RPGRIP1L: variants seen among roughly 807,000 people sequenced by gnomAD.
The protein encoded by RPGRIP1L is RPGRIP1 like.
In RPGRIP1L, 131 loss-of-function variants were observed where a neutral mutation model predicts 160.4. The ratio of observed to expected loss-of-function variants is 0.82; its 90% CI spans 0.71 to 0.94. RPGRIP1L has a LOEUF of 0.94. RPGRIP1L is among the 40% of genes least tolerant of loss of function. The pLI is 0.00. For missense variants in RPGRIP1L, 1,522 were observed against 1,535.8 expected, an observed-to-expected ratio of 0.99 and a Z score of 0.15; for synonymous variants, 510 against 515.8, an observed-to-expected ratio of 0.99 and a Z score of 0.15.
intron 24 of RPGRIP1L, among the ~76,000 whole-genome samples, chr16:53,615,466 ATATATATTTTTTT>A (rs1964307515): frequency 1.5e-5 from 1 of 66,432 alleles, no homozygotes; most frequent in Non-Finnish European, 2.7e-5. Context: ...ATATATATAT[ATATATATTTTTTT>A]TTTTTTTTTT....
chr16:53,653,437 A>T (rs928513705), intron 14 of RPGRIP1L: 1 of 658,858 alleles, frequency 1.5e-6, no homozygotes, highest in South Asian at 6.1e-5. Flanking sequence ...TATTATCCTG[A>T]TCATGATGAT....
At chr16:53,689,226 C>G (rs1970227876) in intron 4 of RPGRIP1L, among the ~76,000 whole-genome samples, 1 of 151,998 alleles carries the variant, frequency 6.6e-6, no homozygotes, top group Non-Finnish European at 1.5e-5. Context: ...ATCACCTTGA[C>G]CATTTATCAT....
At chr16:53,677,223 C>T (rs1050224595) in intron 6 of RPGRIP1L, among the ~76,000 whole-genome samples, 19 of 152,176 alleles carry the variant, frequency 1.2e-4, no homozygotes, top group African/African-American at 4.3e-4. Context: ...TAATGGCCAA[C>T]AGGTAGGTAT....
intron 20 of RPGRIP1L, 32 bp downstream of exon 20, chr16:53,638,278 C>A: frequency 1.6e-6 from 2 of 1,253,860 alleles, no homozygotes; most frequent in Non-Finnish European, 2.3e-6. Context: ...CCAAATTAAA[C>A]CTTCCAAAAT....
chr16:53,700,609 A>G, intron 2 of RPGRIP1L, 30 bp downstream of exon 2: 3 of 1,538,412 alleles, frequency 2.0e-6, no homozygotes, highest in Non-Finnish European at 2.7e-6. Flanking sequence ...ATCAAAGTTC[A>G]TAACTGTAAT....
At chr16:53,618,742 T>TG (rs1209752612) in intron 24 of RPGRIP1L, among the ~76,000 whole-genome samples, 6 of 152,052 alleles carry the variant, frequency 3.9e-5, no homozygotes, top group Non-Finnish European at 7.4e-5. Flanking sequence ...AGACGAGGTT[T>TG]TGCCGTGTAG....
chr16:53,633,311 G>A (rs1216410866), intron 22 of RPGRIP1L, among the ~76,000 whole-genome samples: 1 of 152,180 alleles, frequency 6.6e-6, no homozygotes, highest in Non-Finnish European at 1.5e-5. Flanking sequence ...ATGCAATGAA[G>A]AGCACACAGT....
At chr16:53,658,609 C>A in intron 11 of RPGRIP1L, 145 bp from the exon 12 acceptor site, 1 of 863,630 alleles carries the variant, frequency 1.2e-6, no homozygotes, top group Non-Finnish European at 1.9e-6. Context: ...TCCAGTGCTT[C>A]AAAATGTCCC....
In RPGRIP1L at chr16:53,637,854, C is replaced by A; in HGVS notation, c.3061G>T (p.Val1021Phe). Reference sequence around the variant, plus strand: ...TCATCTACACTGCCTTCTTGTGAAACCTGAAGAAATCAAAGCACACTGGTA... The same window carrying A: ...TCATCTACACTGCCTTCTTGTGAAAACTGAAGAAATCAAAGCACACTGGTA... ...NMLTVPHVPK[V>F]SQEGSVDEVK... is the part of the protein sequence containing the mutation. Residue 1021 changes from valine to phenylalanine, a missense_variant and splice_region_variant, in exon 21 of 27, where the codon GTT becomes TTT. Val to Phe is a conservative substitution (Grantham distance 50, BLOSUM62 -1). Transcript: ENST00000647211. 2.5e-6 allele frequency: 4 copies of A among 1,612,430 alleles called. No individual in the cohort carries two copies. Among genetic ancestry groups the A allele is most frequent in the Non-Finnish European group, 3.4e-6 (4 of 1,179,392 alleles).
chr16:53,691,178 T>C (rs958025518), intron 4 of RPGRIP1L, among the ~76,000 whole-genome samples: 1 of 151,890 alleles, frequency 6.6e-6, no homozygotes, highest in Non-Finnish European at 1.5e-5. Context: ...TCCCTAAAAA[T>C]GTTTGGTCTT....
intron 14 of RPGRIP1L, among the ~76,000 whole-genome samples, chr16:53,654,733 T>G (rs1967103106): frequency 6.6e-6 from 1 of 152,200 alleles, no homozygotes; most frequent in Non-Finnish European, 1.5e-5. Flanking sequence ...ATCAATGAAT[T>G]GAGGGGACAG....
rs140542653 is a variant in RPGRIP1L, at chr16:53,614,725, T to G, written c.3617-3674A>C. 9.5e-4 allele frequency among the ~76,000 whole-genome samples: 145 copies of G among 152,308 alleles called. 1 individual carries two copies. In the East Asian group the frequency reaches 0.023, roughly 25 times the overall value. On this transcript the variant is annotated intron_variant, in intron 24 of 26. Transcript: ENST00000647211. ...TACATCCTATAAAAAGTGACTCTAG[T>G]GATTATTAAAAGTATCAGAACTCTC...
At chr16:53,660,854 C>T (rs1184291740) in intron 10 of RPGRIP1L, among the ~76,000 whole-genome samples, 6 of 148,776 alleles carry the variant, frequency 4.0e-5, no homozygotes, top group African/African-American at 1.2e-4. Flanking sequence ...GATTGCGCCA[C>T]TGCACTCCAG....
intron 4 of RPGRIP1L, among the ~76,000 whole-genome samples, chr16:53,690,224 G>A (rs1970290894): frequency 6.6e-6 from 1 of 152,096 alleles, no homozygotes; most frequent in South Asian, 2.1e-4. Flanking sequence ...TTGAGACTTA[G>A]TCTCCTCTGT....
At chr16:53,648,690 T>G (rs1309456617) in intron 16 of RPGRIP1L, among the ~76,000 whole-genome samples, 2 of 146,996 alleles carry the variant, frequency 1.4e-5, no homozygotes, top group African/African-American at 5.0e-5. Flanking sequence ...GAAATCTGAG[T>G]AAGGTATGTA....
rs1400439263 is a variant in RPGRIP1L at position 53,618,704 on chromosome 16, C to T, written c.3616+321G>A. ...GACTACAGGAGCGCAACACCATGCC[C>T]GGCTAATTTTTGTATTTTTTTTTGT... On this transcript the variant is annotated intron_variant, in intron 24 of 26. Transcript: ENST00000647211. Among the ~76,000 whole-genome samples the T allele has an allele frequency of 2.6e-5, 4 of 151,976 alleles. No homozygotes were observed. The East Asian group carries it at 5.8e-4, about 22-fold the overall frequency.
Position 53,652,632 on chromosome 16 carries a change from A to C in RPGRIP1L, c.2055T>G (p.Ala685=). The change falls in exon 15 of 27, where the codon GCT becomes GCG. Residue 685 remains alanine, a synonymous_variant. Coordinates refer to ENST00000647211, the MANE Select transcript of RPGRIP1L (RefSeq NM_015272.5). Reference sequence around the variant, plus strand: ...CAATTGTTTCATATTCTGTGCTATAAGCCTGGTGGACCTCAAGGGTGATAG... The same window carrying C: ...CAATTGTTTCATATTCTGTGCTATACGCCTGGTGGACCTCAAGGGTGATAG... ...KNTITLEVHQ[A]YSTEYETIAA... is the part of the protein sequence containing the mutation. 1.2e-6 allele frequency: 2 copies of C among 1,614,010 alleles called. No homozygotes were observed. Among genetic ancestry groups the C allele is most frequent in the East Asian group, 2.2e-5 (1 of 44,872 alleles).
chr16:53,688,656 C>T (rs1970179633), intron 4 of RPGRIP1L, among the ~76,000 whole-genome samples: 1 of 151,938 alleles, frequency 6.6e-6, no homozygotes. Flanking sequence ...GTAGATAAAG[C>T]ATCACAGATG....
At chr16:53,701,507 T>G (rs569690831) in intron 1 of RPGRIP1L, among the ~76,000 whole-genome samples, 138 of 150,526 alleles carry the variant, frequency 9.2e-4, no homozygotes, top group Non-Finnish European at 1.7e-3. Flanking sequence ...TGGATGTGAG[T>G]GGTCCACACA....
Sources: gnomAD v4.1 joint callset for allele counts (sites outside exome capture counted in the v4.1 genomes callset) on GRCh38, gnomAD v4.1.1 for gene constraint, MANE v1.5 for transcripts, NCBI Gene and HGNC (gene_info 2026-07-23, HGNC 2026-07-21) for gene names.